The following EP400 variants were observed in gnomAD, a reference collection of about 807,000 sequenced individuals.
EP400 encodes the protein E1A-binding protein p400.
In EP400, 105 loss-of-function variants were observed where a neutral mutation model predicts 354.1. That is an observed-to-expected ratio of 0.30 (90% CI 0.25 to 0.35). EP400 has a LOEUF of 0.35. Ranked by LOEUF, EP400 falls within the 10% of genes least tolerant of loss-of-function variation. The pLI, the probability that EP400 is intolerant of heterozygous loss-of-function variation, is 1.00. For synonymous variants in EP400, 1,646 were observed against 1,716.9 expected (o/e 0.96, Z 1.02); for missense variants, 3,280 against 4,121.0 (o/e 0.80, Z 5.59).
rs1248754372 is a variant in EP400, at chr12:132,013,974, C to G, written c.3923+61C>G. On this transcript the variant is annotated intron_variant, in intron 19 of 52. Coordinates refer to ENST00000389561, the MANE Select transcript of EP400 (RefSeq NM_015409.5). The surrounding 1 kb of genome is among the most constrained non-coding windows in gnomAD (Gnocchi z 4.5). Reference sequence around the variant, plus strand: ...GTCCCTGCCTGTGAGGGAAAACGGCCCTTTCTGTGGCCTCAGCAGAAAGCT... The same window carrying G: ...GTCCCTGCCTGTGAGGGAAAACGGCGCTTTCTGTGGCCTCAGCAGAAAGCT... The G allele has an allele frequency of 6.3e-7, 1 of 1,588,826 alleles. No individual in the cohort carries two copies. Among genetic ancestry groups the G allele is most frequent in the East Asian group, 2.2e-5 (1 of 44,674 alleles).
rs1424828455 is a variant in EP400, at chr12:131,982,461, C to A, written c.1912C>A (p.Leu638Ile). 6.2e-7 allele frequency: 1 copy of A among 1,605,260 alleles called. No homozygotes were observed. The highest frequency in any genetic ancestry group is 1.1e-5 in the South Asian group (1 of 90,918). The change falls in exon 5 of 53, where the codon CTT becomes ATT. Residue 638 changes from leucine to isoleucine, a missense_variant. Around this residue, in one of 20 missense-constraint regions of EP400, gnomAD observed 800 missense variants for 840.0 expected, o/e 0.95. Transcript: ENST00000389561. ...AAAGGTGCAGGTGCAGGCCTCTCAG[C>A]TTTCCTCCCTGCCACAGGTATGAGA... is the stretch of plus-strand genomic sequence containing the variant. The part of the protein sequence containing the change: ...PGKVQVQASQ[L>I]SSLPQMVAST...
Position 131,986,787 on chromosome 12 carries a change from C to A in EP400, c.2203C>A (p.Leu735Met). 1 of 1,609,920 alleles carries A rather than the reference C, an allele frequency of 6.2e-7. No individual in the cohort carries two copies. The highest frequency in any genetic ancestry group is 8.5e-7 in the Non-Finnish European group (1 of 1,177,736). Residue 735 changes from leucine (L) to methionine (M), a missense_variant, in exon 6 of 53, where the codon CTG becomes ATG. Coordinates refer to ENST00000389561, the MANE Select transcript of EP400 (RefSeq NM_015409.5). ...TSSQDSSQDT[L>M]TEQITLENQV... ...GTCCCAAGACAGTTCTCAGGATACG[C>A]TGACAGAACAAATAACTCTGGTAAG...
chr12:132,031,365 C>G (rs757103212), intron 29 of EP400: 1 of 519,138 alleles, frequency 1.9e-6, no homozygotes, highest in South Asian at 1.4e-5. Context: ...ACAGTAAATG[C>G]AAGGTGGACT....
intron 1 of EP400, among the ~76,000 whole-genome samples, chr12:131,951,065 ATTTTT>A (rs750396319): frequency 5.5e-4 from 57 of 104,176 alleles, no homozygotes; most frequent in African/African-American, 1.8e-3. Context: ...ACGCCTGGCT[ATTTTT>A]TTTTTTTTTT....
chr12:132,074,676 C>T (rs777507033), intron 51 of EP400, among the ~76,000 whole-genome samples: 1 of 152,194 alleles, frequency 6.6e-6, no homozygotes, highest in Non-Finnish European at 1.5e-5. Flanking sequence ...TTTGTCTCGT[C>T]GTACTATATT....
intron 45 of EP400, among the ~76,000 whole-genome samples, chr12:132,055,455 G>GGTGT (rs138515650): frequency 1.8e-4 from 25 of 140,680 alleles, no homozygotes; most frequent in East Asian, 4.2e-4. Flanking sequence ...GTGGTGTAGG[G>GGTGT]GTGTGTGTGT....
intron 12 of EP400, among the ~76,000 whole-genome samples, chr12:131,996,660 T>A (rs1893227649): frequency 6.6e-6 from 1 of 152,218 alleles, no homozygotes; most frequent in South Asian, 2.1e-4. Context: ...CTTTAATTGC[T>A]GTAACACATC....
intron 2 of EP400, among the ~76,000 whole-genome samples, chr12:131,969,922 G>T (rs995978179): frequency 6.6e-6 from 1 of 152,100 alleles, no homozygotes; most frequent in Non-Finnish European, 1.5e-5. Flanking sequence ...GGTGATGTGC[G>T]TCTGTAGTCC....
At position 132,025,522 on chromosome 12, in the gene EP400, T is replaced by C. The variant is rs1349701203; in HGVS notation, c.4856-124T>C. 2 of 1,195,312 alleles carry C rather than the reference T, an allele frequency of 1.7e-6. No homozygotes were observed. Among genetic ancestry groups the C allele is most frequent in the Non-Finnish European group, 2.3e-6 (2 of 883,898 alleles). 74.0% of individuals were successfully genotyped at this position (1,195,312 alleles called of 1,614,324 possible). On this transcript the variant is annotated intron_variant, in intron 24 of 52. Coordinates refer to ENST00000389561, the MANE Select transcript of EP400 (RefSeq NM_015409.5). This position sits in a 1 kb window ranked among gnomAD's most constrained non-coding sequence, Gnocchi z 4.1. ...TCACAGTAACTGAACTTTGCATTGA[T>C]TTTTTTGTGTAGATTTGATTTTCAG...
rs141047004 is a variant in EP400, at chr12:131,960,886, C to T, written c.267C>T (p.Ile89=). ...CTGTCGTCGGGGGAAACCAGCAGAT[C>T]ACACTGGCCCCACTGCCGCTCCCCA... is the stretch of plus-strand genomic sequence containing the variant. ...VGPVVGGNQQ[I]TLAPLPLPSP... Residue 89 remains isoleucine (I), a synonymous_variant, in exon 2 of 53, where the codon ATC becomes ATT. Transcript: ENST00000389561. 3.7e-6 allele frequency: 6 copies of T among 1,613,904 alleles called. No homozygotes were observed. Among genetic ancestry groups the T allele is most frequent in the Non-Finnish European group, 5.1e-6 (6 of 1,180,034 alleles).
Position 132,017,463 on chromosome 12 carries a change from C to A in EP400, c.3924-72C>A. On this transcript the variant is annotated intron_variant, in intron 19 of 52. Coordinates refer to ENST00000389561, the MANE Select transcript of EP400 (RefSeq NM_015409.5). This position sits in a 1 kb window ranked among gnomAD's most constrained non-coding sequence, Gnocchi z 5.0. ...CCTGCCTTTCTGGAGTTGGGACAGT[C>A]GATGGTGAGGGTGGGACTATGTCCA... is the stretch of plus-strand genomic sequence containing the variant. 1 of 1,515,134 alleles carries A rather than the reference C, an allele frequency of 6.6e-7. No individual in the cohort carries two copies. Among genetic ancestry groups the A allele is most frequent in the Non-Finnish European group, 9.0e-7 (1 of 1,111,548 alleles). 93.9% of individuals were successfully genotyped at this position (1,515,134 alleles called of 1,614,324 possible).
intron 5 of EP400, among the ~76,000 whole-genome samples, chr12:131,984,521 T>C (rs1235653634): frequency 6.6e-6 from 1 of 152,192 alleles, no homozygotes; most frequent in African/African-American, 2.4e-5. Context: ...CCAGGGCAGC[T>C]GAGCTCTTCT....
At chr12:131,963,055 TG>T (rs748383334) in intron 2 of EP400, among the ~76,000 whole-genome samples, 1 of 152,234 alleles carries the variant, frequency 6.6e-6, no homozygotes, top group Non-Finnish European at 1.5e-5. Context: ...TCTATTGTCC[TG>T]AAATAGTAAA....
Position 132,013,520 on chromosome 12 carries a change from G to C in EP400, c.3642G>C (p.Pro1214=). The C allele has an allele frequency of 6.3e-7, 1 of 1,593,634 alleles. No individual in the cohort carries two copies. The highest frequency in any genetic ancestry group is 1.1e-5 in the South Asian group (1 of 88,308). Residue 1214 remains proline, a synonymous_variant, in exon 18 of 53, where the codon CCG becomes CCC. Coordinates refer to ENST00000389561, the MANE Select transcript of EP400 (RefSeq NM_015409.5). This position sits in a 1 kb window ranked among gnomAD's most constrained non-coding sequence, Gnocchi z 4.5. The stretch of plus-strand genomic sequence containing the variant: ...AACGTCTGCTTCTGATCGACTCGCC[G>C]CTGCACAATACCTTCCTGGAGCTCT... ...SQQRLLLIDS[P]LHNTFLELWT...
Position 132,064,663 on chromosome 12 carries a change from T to C in EP400, c.8335-5T>C, listed in dbSNP as rs1184210518. 1 of 1,609,680 alleles carries C rather than the reference T, an allele frequency of 6.2e-7. No homozygotes were observed. Among genetic ancestry groups the C allele is most frequent in the Non-Finnish European group, 8.5e-7 (1 of 1,176,726 alleles). ...TGAAGAGAAGATACTTTGCTTGTAT[T>C]TTAGGAACACCTCATCAAAATGCAG... is the stretch of plus-strand genomic sequence containing the variant. On this transcript the variant is annotated splice_region_variant and splice_polypyrimidine_tract_variant and intron_variant, in intron 47 of 52. Coordinates refer to ENST00000389561, the MANE Select transcript of EP400 (RefSeq NM_015409.5).
Position 132,017,821 on chromosome 12 carries a change from C to CTGCAAT in EP400, c.4110+111_4110+116dup. 1 of 1,302,630 alleles carries CTGCAAT rather than the reference C, an allele frequency of 7.7e-7. No homozygotes were observed. The highest frequency in any genetic ancestry group is 1.0e-6 in the Non-Finnish European group (1 of 971,850). The allele number at this position is 1,302,630 out of a possible 1,614,324, so 80.7% of individuals were successfully genotyped here. ...GGAAATGGGTTCTCAACCAGCTCTT[C>CTGCAAT]TGCAATTGCAATTGCAGCTCCGCGA... On this transcript the variant is annotated intron_variant, in intron 20 of 52. Transcript: ENST00000389561. The surrounding 1 kb of genome is among the most constrained non-coding windows in gnomAD (Gnocchi z 5.0).
At chr12:131,951,347 C>T (rs1036546028) in intron 1 of EP400, among the ~76,000 whole-genome samples, 1 of 151,494 alleles carries the variant, frequency 6.6e-6, no homozygotes, top group African/African-American at 2.4e-5. Context: ...CCACCATGCC[C>T]GGCCAATTTT....
intron 45 of EP400, among the ~76,000 whole-genome samples, chr12:132,059,517 G>C (rs1021787671): frequency 1.3e-5 from 2 of 152,248 alleles, no homozygotes; most frequent in Admixed American, 1.3e-4. Context: ...AGCAAATGCA[G>C]ATTCTCTCTG....
chr12:132,043,444 A>G lies in EP400; in HGVS notation c.6348A>G (p.Leu2116=), dbSNP rs746766949. ...CDEEPSQLEE[L]ADFMEQLTPI... ...AAGAACCATCCCAATTAGAGGAGCT[A>G]GCTGACTTCATGGAGCAGGTTTGGG... Residue 2116 remains leucine (L), a synonymous_variant, in exon 33 of 53, where the codon CTA becomes CTG. Coordinates refer to ENST00000389561, the MANE Select transcript of EP400 (RefSeq NM_015409.5). 11 of 1,613,128 alleles carry G rather than the reference A, an allele frequency of 6.8e-6. No homozygotes were observed. Among genetic ancestry groups the G allele is most frequent in the Non-Finnish European group, 9.3e-6 (11 of 1,180,008 alleles).
Sources: allele counts gnomAD v4.1 joint callset (sites outside exome capture counted in the v4.1 genomes callset), GRCh38; gene constraint gnomAD v4.1.1; regional missense constraint gnomAD v4.1.1; non-coding constraint Gnocchi (gnomAD v3.1); transcripts MANE v1.5; gene names NCBI Gene and HGNC (gene_info 2026-07-23, HGNC 2026-07-21).